Variants in CFAP221 observed in about 807,000 individuals in gnomAD.
CFAP221 encodes cilia- and flagella-associated protein 221.
A neutral mutation model predicts 113.1 loss-of-function variants in CFAP221; 97 were observed. The ratio of observed to expected loss-of-function variants is 0.86; its 90% confidence interval spans 0.73 to 1.02. The LOEUF is 1.02. CFAP221 is among the 50% of genes least tolerant of loss of function. CFAP221 has a pLI of 0.00. For synonymous variants in CFAP221, 331 were observed against 354.4 expected, an observed-to-expected ratio of 0.93 and a Z score of 0.74; for missense variants, 1,025 against 1,013.4, an observed-to-expected ratio of 1.01 and a Z score of -0.16.
At chr2:119,638,804 AAAG>A (rs1687284213) in intron 20 of CFAP221, among the ~76,000 whole-genome samples, 2 of 152,088 alleles carry the variant, frequency 1.3e-5, no homozygotes, top group African/African-American at 4.8e-5. Flanking sequence ...TGACACATGC[AAAG>A]AAGTGGCTCC....
In CFAP221 at chr2:119,656,350, T is replaced by G; in HGVS notation, c.2415-12T>G. The G allele has an allele frequency of 6.2e-7, 1 of 1,612,386 alleles. No individual in the cohort carries two copies. Among genetic ancestry groups the G allele is most frequent in the Non-Finnish European group, 8.5e-7 (1 of 1,178,426 alleles). On this transcript the variant is annotated splice_polypyrimidine_tract_variant and intron_variant, in intron 23 of 23. Coordinates refer to ENST00000413369, the MANE Select transcript of CFAP221 (RefSeq NM_001271049.2). ...GTCCTCATGTTTCCTTCTTGGGTTT[T>G]TTGATACTCAGAGAAGTGAAAGATC... is the stretch of plus-strand genomic sequence containing the variant.
chr2:119,587,114 T>C lies in CFAP221; in HGVS notation c.528-5T>C, dbSNP rs1344879459. On this transcript the variant is annotated splice_polypyrimidine_tract_variant and splice_region_variant and intron_variant, in intron 6 of 23. Transcript: ENST00000413369. Reference sequence around the variant, plus strand: ...TTTTTATTTTCTTTTTTGTTTGTTTTGCAGCAAAACTTATGTTATTCCTTT... The same window carrying C: ...TTTTTATTTTCTTTTTTGTTTGTTTCGCAGCAAAACTTATGTTATTCCTTT... The C allele has an allele frequency of 3.3e-6, 5 of 1,493,764 alleles. No individual in the cohort carries two copies. Among genetic ancestry groups the C allele is most frequent in the Admixed American group, 4.8e-5 (2 of 42,010 alleles). The allele number at this position is 1,493,764 out of a possible 1,614,324, so 92.5% of individuals were successfully genotyped here. A position where few individuals can be genotyped will look rare whatever the true frequency, so the allele number is the denominator to read the frequency against.
intron 6 of CFAP221, among the ~76,000 whole-genome samples, chr2:119,586,358 G>C (rs1161727028): frequency 1.3e-5 from 2 of 152,130 alleles, no homozygotes; most frequent in African/African-American, 4.8e-5. Context: ...GGCTGACTTG[G>C]ATTGCCCTGA....
At chr2:119,652,169 A>G in intron 23 of CFAP221, 100 bp downstream of exon 23, 1 of 789,854 alleles carries the variant, frequency 1.3e-6, no homozygotes, top group Non-Finnish European at 1.9e-6. Context: ...TAAATAGCTC[A>G]GTCTTTGAAA....
intron 6 of CFAP221, among the ~76,000 whole-genome samples, chr2:119,583,506 C>G (rs947059440): frequency 1.4e-5 from 2 of 147,840 alleles, no homozygotes; most frequent in African/African-American, 2.5e-5. Context: ...CTAAGGAAAT[C>G]TACAGATAAA....
chr2:119,653,946 GTTTTGCCTA>G (rs898010825), intron 23 of CFAP221, among the ~76,000 whole-genome samples: 15 of 152,022 alleles, frequency 9.9e-5, no homozygotes, highest in African/African-American at 3.6e-4. Context: ...TGAGGGACTT[GTTTTGCCTA>G]TTTTGCCTAT....
At chr2:119,545,936 T>C (rs947129661) in intron 1 of CFAP221, 149 bp from the exon 2 acceptor site, 24 of 543,234 alleles carry the variant, frequency 4.4e-5, no homozygotes, top group Admixed American at 1.1e-4. Context: ...GACAGCCATG[T>C]GTGGGAATGG....
At chr2:119,563,379 G>T (rs1681398569) in intron 6 of CFAP221, among the ~76,000 whole-genome samples, 1 of 152,148 alleles carries the variant, frequency 6.6e-6, no homozygotes, top group Admixed American at 6.5e-5. Context: ...TTGATCTGTG[G>T]TTGGTTAAAT....
chr2:119,599,697 T>C (rs1207886681), intron 7 of CFAP221, among the ~76,000 whole-genome samples: 1 of 152,206 alleles, frequency 6.6e-6, no homozygotes, highest in Non-Finnish European at 1.5e-5. Context: ...GGGGGGCCTT[T>C]CCTTTCCACC....
At chr2:119,648,204 G>A (rs528211909) in intron 22 of CFAP221, among the ~76,000 whole-genome samples, 1 of 152,302 alleles carries the variant, frequency 6.6e-6, no homozygotes, top group African/African-American at 2.4e-5. Flanking sequence ...CCCGCTATCT[G>A]ACACTTGGTA....
chr2:119,564,188 C>T (rs1022130387), intron 6 of CFAP221, among the ~76,000 whole-genome samples: 26 of 152,084 alleles, frequency 1.7e-4, no homozygotes, highest in Admixed American at 1.5e-3. Context: ...GCTTATGGAC[C>T]GTGCATATGA....
At chr2:119,605,653 GA>G (rs1558954837) in intron 11 of CFAP221, among the ~76,000 whole-genome samples, 1 of 152,164 alleles carries the variant, frequency 6.6e-6, no homozygotes, top group Non-Finnish European at 1.5e-5. Flanking sequence ...GTGTGCCCCA[GA>G]GGCCTTCTGG....
At chr2:119,562,141 G>A (rs1005617160) in intron 6 of CFAP221, 27 bp downstream of exon 6, 2 of 1,431,860 alleles carry the variant, frequency 1.4e-6, no homozygotes, top group Admixed American at 2.1e-5. Flanking sequence ...TCAACAAAAT[G>A]TATAGGATGT....
intron 14 of CFAP221, among the ~76,000 whole-genome samples, chr2:119,616,224 G>A (rs1685518046): frequency 6.6e-6 from 1 of 152,128 alleles, no homozygotes; most frequent in Admixed American, 6.5e-5. Flanking sequence ...TTTGGTAACT[G>A]CTTCTTTCAT....
rs74845728 is a variant in CFAP221 at position 119,601,385 on chromosome 2, G to A, written c.791+8G>A. The A allele has an allele frequency of 2.2e-4, 325 of 1,497,024 alleles. 1 individual carries two copies. In the African/African-American group the frequency reaches 3.8e-3, roughly 17 times the overall value. 92.7% of individuals were successfully genotyped at this position (1,497,024 alleles called of 1,614,324 possible). A position where few individuals can be genotyped will look rare whatever the true frequency, so the allele number is the denominator to read the frequency against. On this transcript the variant is annotated splice_region_variant and intron_variant, in intron 8 of 23. Transcript: ENST00000413369. ...TCCCAACATGGCCTTACCGTATGGC[G>A]TCTTTGCAGTGTTTTTGTTTATTTT... is the stretch of plus-strand genomic sequence containing the variant.
intron 14 of CFAP221, among the ~76,000 whole-genome samples, chr2:119,617,997 C>T (rs1459089446): frequency 6.6e-6 from 1 of 152,230 alleles, no homozygotes; most frequent in Non-Finnish European, 1.5e-5. Flanking sequence ...CATCACATCT[C>T]ACCTCTGCAG....
At chr2:119,642,105 C>T (rs1024332650) in intron 21 of CFAP221, among the ~76,000 whole-genome samples, 10 of 152,170 alleles carry the variant, frequency 6.6e-5, no homozygotes, top group Admixed American at 1.3e-4. Context: ...AGAAAACTCT[C>T]GAACCATGAG....
intron 6 of CFAP221, among the ~76,000 whole-genome samples, chr2:119,569,146 A>C (rs1295139476): frequency 2.0e-5 from 3 of 148,294 alleles, no homozygotes; most frequent in Admixed American, 2.0e-4. Flanking sequence ...TTATTTATTT[A>C]TTTTTGAGAT....
At chr2:119,544,741 G>A (rs1306644738) in intron 1 of CFAP221, among the ~76,000 whole-genome samples, 7 of 152,200 alleles carry the variant, frequency 4.6e-5, no homozygotes. Flanking sequence ...GTCGCGGAGG[G>A]GAGGAGGCGC....
Sources: gnomAD v4.1 joint callset for allele counts (sites outside exome capture counted in the v4.1 genomes callset) on GRCh38, gnomAD v4.1.1 for gene constraint, MANE v1.5 for transcripts, NCBI Gene and HGNC (gene_info 2026-07-23, HGNC 2026-07-21) for gene names.